The following HAUS1 variants were observed in gnomAD, a reference collection of about 807,000 sequenced individuals.
HAUS1 encodes the protein HAUS augmin like complex subunit 1.
HAUS1 carries 25 observed loss-of-function variants against 38.6 expected under a neutral mutation model. The ratio of observed to expected loss-of-function variants is 0.65; its 90% CI spans 0.47 to 0.91. The LOEUF is 0.91. Ranked by LOEUF, HAUS1 falls within the 40% of genes least tolerant of loss-of-function variation. HAUS1 has a pLI of 0.00. For missense variants in HAUS1, 325 were observed against 328.4 expected, an observed-to-expected ratio of 0.99 and a Z score of 0.08; for synonymous variants, 109 against 112.9, an observed-to-expected ratio of 0.97 and a Z score of 0.22.
At chr18:46,120,167 G>A in intron 4 of HAUS1, 107 bp downstream of exon 4, 1 of 713,248 alleles carries the variant, frequency 1.4e-6, no homozygotes, top group Non-Finnish European at 2.3e-6. Context: ...ATTAGGAAAT[G>A]GGATCCATAA....
Position 46,124,230 on chromosome 18 carries a change from C to T in HAUS1, c.667-592C>T, listed in dbSNP as rs573077753. 1.6e-4 allele frequency among the ~76,000 whole-genome samples: 24 copies of T among 151,582 alleles called. No homozygotes were observed. In the East Asian group the frequency reaches 4.7e-3, roughly 29 times the overall value. On this transcript the variant is annotated intron_variant, in intron 6 of 8. Transcript: ENST00000282058. The stretch of plus-strand genomic sequence containing the variant: ...TTTGAGACCAGCCTGGCCAAAATGG[C>T]GAAACCTCATCTCTACTAAAAATAC...
At chr18:46,109,390 C>T (rs369164673) in intron 2 of HAUS1, among the ~76,000 whole-genome samples, 3 of 152,118 alleles carry the variant, frequency 2.0e-5, no homozygotes, top group Non-Finnish European at 2.9e-5. Context: ...GGTGGGGCCA[C>T]GGAGCCAAAC....
chr18:46,109,026 G>A (rs1057343734), intron 2 of HAUS1, among the ~76,000 whole-genome samples: 3 of 148,720 alleles, frequency 2.0e-5, no homozygotes, highest in East Asian at 2.0e-4. Context: ...TGCTGAGATC[G>A]CGCAACTGCA....
At chr18:46,112,308 TTATATA>T (rs1267825382) in intron 2 of HAUS1, among the ~76,000 whole-genome samples, 1 of 128,298 alleles carries the variant, frequency 7.8e-6, no homozygotes, top group Non-Finnish European at 1.6e-5. Context: ...ATATTCCATA[TTATATA>T]TAATATATAT....
intron 2 of HAUS1, among the ~76,000 whole-genome samples, chr18:46,107,868 G>A (rs1014944262): frequency 6.6e-6 from 1 of 152,136 alleles, no homozygotes; most frequent in African/African-American, 2.4e-5. Flanking sequence ...TTTTGTTGTT[G>A]TTTTTGTTTT....
intron 2 of HAUS1, among the ~76,000 whole-genome samples, chr18:46,112,165 G>A (rs146353334): frequency 3.4e-5 from 5 of 148,806 alleles, no homozygotes; most frequent in East Asian, 1.9e-4. Context: ...GATTACAGGC[G>A]TGAACTACCG....
rs1192257529 is a variant in HAUS1, at chr18:46,104,424, G to T, written c.13G>T (p.Glu5Ter). 48 of 1,467,022 alleles carry T rather than the reference G, an allele frequency of 3.3e-5. No individual in the cohort carries two copies. Among genetic ancestry groups the T allele is most frequent in the Non-Finnish European group, 4.3e-5 (47 of 1,099,806 alleles). The allele number at this position is 1,467,022 out of a possible 1,614,324, so 90.9% of individuals were successfully genotyped here. The change falls in exon 1 of 9, where the codon GAG (glutamate) becomes TAG (stop). Residue 5 changes from glutamate (E) to a stop codon, truncating the protein, a stop_gained. Transcript: ENST00000282058. LOFTEE classifies it high-confidence loss of function. MEPQ[E>*]ERETQVAAWL... The stretch of plus-strand genomic sequence containing the variant: ...GGGAGCCGCAGCTATGGAGCCGCAG[G>T]AGGAGAGAGAAACGCAGGTGATGGG...
chr18:46,110,152 C>CTTT lies in HAUS1; in HGVS notation c.205+4803_205+4805dup, dbSNP rs869105132. Among the ~76,000 whole-genome samples, 628 of 115,322 alleles carry CTTT rather than the reference C, an allele frequency of 5.4e-3. 17 individuals are homozygous for CTTT. The highest frequency in any genetic ancestry group is 0.018 in the Admixed American group (203 of 11,204). 75.7% of individuals were successfully genotyped at this position (115,322 alleles called of 152,430 possible). A position where few individuals can be genotyped will look rare whatever the true frequency, so the allele number is the denominator to read the frequency against. ...TCTATCTAGCAGACTTTATTTTGTC[C>CTTT]TTTTTTTTTTTTTTTTTTTTTGACA... On this transcript the variant is annotated intron_variant, in intron 2 of 8. Coordinates refer to ENST00000282058, the MANE Select transcript of HAUS1 (RefSeq NM_138443.4).
chr18:46,114,835 A>C (rs1327397520), intron 2 of HAUS1, among the ~76,000 whole-genome samples: 1 of 152,116 alleles, frequency 6.6e-6, no homozygotes, highest in East Asian at 1.9e-4. Flanking sequence ...ACAAATTCTC[A>C]GTGTCCTTAC....
Position 46,105,197 on chromosome 18 carries a change from G to C in HAUS1, c.34G>C (p.Ala12Pro), listed in dbSNP as rs749211948. Residue 12 changes from alanine (A) to proline (P), a missense_variant, in exon 2 of 9, where the codon GCT becomes CCT. Physicochemically the swap from Ala to Pro is conservative, Grantham distance 27 (BLOSUM62 -1). Coordinates refer to ENST00000282058, the MANE Select transcript of HAUS1 (RefSeq NM_138443.4). ...EPQEERETQVAAWLKKIFGDH... is the reference protein window; with the variant it reads ...EPQEERETQVPAWLKKIFGDH... ...TTGTCTTTCTTTTAATGGTTAGGTT[G>C]CTGCGTGGTTAAAAAAAATATTTGG... is the stretch of plus-strand genomic sequence containing the variant. 3 of 1,606,476 alleles carry C rather than the reference G, an allele frequency of 1.9e-6. No individual in the cohort carries two copies. Among genetic ancestry groups the C allele is most frequent in the Admixed American group, 1.7e-5 (1 of 59,554 alleles).
chr18:46,126,807 T>G (rs1325677638), intron 8 of HAUS1: 1 of 131,994 alleles, frequency 7.6e-6, no homozygotes, highest in African/African-American at 2.8e-5. Flanking sequence ...GCATTTTTAT[T>G]TATTTATTTA....
In HAUS1 at chr18:46,105,164, TATA is replaced by T. The variant is rs764227373; in HGVS notation, c.31-26_31-24del. The stretch of plus-strand genomic sequence containing the variant: ...TCGAGCCATTACAGTAAACAAGGCT[TATA>T]ATATTTGTCTTTCTTTTAATGGTTA... On this transcript the variant is annotated intron_variant, in intron 1 of 8. Coordinates refer to ENST00000282058, the MANE Select transcript of HAUS1 (RefSeq NM_138443.4). The T allele has an allele frequency of 2.6e-6, 4 of 1,528,592 alleles. No homozygotes were observed. In the Admixed American group the frequency reaches 5.2e-5, roughly 20 times the overall value. The allele number at this position is 1,528,592 out of a possible 1,614,324, so 94.7% of individuals were successfully genotyped here. A position where few individuals can be genotyped will look rare whatever the true frequency, so the allele number is the denominator to read the frequency against.
intron 2 of HAUS1, among the ~76,000 whole-genome samples, chr18:46,108,610 C>A (rs11874712): frequency 0.34 from 51,119 of 151,974 alleles, 9,383 homozygotes; most frequent in Middle Eastern, 0.5. Context: ...CAATGTATTT[C>A]ATAAGTTTTG....
chr18:46,125,629 A>T (rs1912082981), intron 7 of HAUS1, 115 bp from the exon 8 acceptor site: 1 of 656,074 alleles, frequency 1.5e-6, no homozygotes, highest in African/African-American at 1.8e-5. Flanking sequence ...TTATATGTAC[A>T]TTGGGTATCC....
At position 46,105,256 on chromosome 18, in the gene HAUS1, A is replaced by C. The variant is rs139330044; in HGVS notation, c.93A>C (p.Pro31=). 10 of 1,613,636 alleles carry C rather than the reference A, an allele frequency of 6.2e-6. No individual in the cohort carries two copies. The highest frequency in any genetic ancestry group is 8.5e-6 in the Non-Finnish European group (10 of 1,179,834). Residue 31 remains proline (P), a synonymous_variant, in exon 2 of 9, where the codon CCA becomes CCC. Coordinates refer to ENST00000282058, the MANE Select transcript of HAUS1 (RefSeq NM_138443.4). Reference sequence around the variant, plus strand: ...CTATTCCACAGTATGAGGTGAACCCACGGACCACAGAGATTTTACATCACC... The same window carrying C: ...CTATTCCACAGTATGAGGTGAACCCCCGGACCACAGAGATTTTACATCACC... ...DHPIPQYEVN[P]RTTEILHHLS...
chr18:46,110,152 CTTTT>C (rs869105132), intron 2 of HAUS1, among the ~76,000 whole-genome samples: 3 of 115,370 alleles, frequency 2.6e-5, no homozygotes, highest in Admixed American at 8.9e-5. Flanking sequence ...TTATTTTGTC[CTTTT>C]TTTTTTTTTT....
intron 2 of HAUS1, chr18:46,115,156 G>C (rs940301169): frequency 2.0e-5 from 3 of 152,082 alleles, no homozygotes; most frequent in African/African-American, 7.2e-5. Flanking sequence ...CAAAATAGAA[G>C]AATTCTCTCA....
chr18:46,120,634 G>A (rs1432216978), intron 4 of HAUS1, among the ~76,000 whole-genome samples: 2 of 151,722 alleles, frequency 1.3e-5, no homozygotes, highest in South Asian at 2.1e-4. Flanking sequence ...CACCCAGGCT[G>A]GAGTGCAATG....
chr18:46,105,425 A>C, intron 2 of HAUS1, 57 bp downstream of exon 2: 1 of 1,430,264 alleles, frequency 7.0e-7, no homozygotes, highest in East Asian at 2.3e-5. Flanking sequence ...AAATTTTATA[A>C]CACTAAAGTA....
Sources: allele counts gnomAD v4.1 joint callset (sites outside exome capture counted in the v4.1 genomes callset), GRCh38; gene constraint gnomAD v4.1.1; transcripts MANE v1.5; gene names NCBI Gene and HGNC (gene_info 2026-07-23, HGNC 2026-07-21).